Variants in ALDH18A1 observed in about 807,000 individuals in gnomAD.
The protein encoded by ALDH18A1 is delta-1-pyrroline-5-carboxylate synthase.
In ALDH18A1, 44 loss-of-function variants were observed where a neutral mutation model predicts 88.8. That is an observed-to-expected ratio of 0.50 (90% CI 0.39 to 0.64). The LOEUF (loss-of-function observed/expected upper bound fraction) is 0.64. ALDH18A1 is among the 30% of genes least tolerant of loss of function. ALDH18A1 has a pLI of 0.00. For synonymous variants in ALDH18A1, 331 were observed against 372.1 expected, an observed-to-expected ratio of 0.89 and a Z score of 1.27; for missense variants, 782 against 1,009.5, an observed-to-expected ratio of 0.77 and a Z score of 3.05.
Position 95,656,679 on chromosome 10 carries a change from T to A in ALDH18A1, c.-111A>T, listed in dbSNP as rs530549648. The A allele has an allele frequency of 6.5e-6, 1 of 152,698 alleles. No homozygotes were observed. Among genetic ancestry groups the A allele is most frequent in the Non-Finnish European group, 1.5e-5 (1 of 68,328 alleles). 9.5% of individuals were successfully genotyped at this position (152,698 alleles called of 1,614,324 possible). A position where few individuals can be genotyped will look rare whatever the true frequency, so the allele number is the denominator to read the frequency against. On this transcript the variant is annotated 5_prime_UTR_variant, in exon 1 of 18. Coordinates refer to ENST00000371224, the MANE Select transcript of ALDH18A1 (RefSeq NM_002860.4). ...CGGGCTGATTCCGGCGCTCGCTCAC[T>A]CTCTTTTTTCTTCCGTCCACGTCCC...
intron 5 of ALDH18A1, among the ~76,000 whole-genome samples, chr10:95,636,525 G>C (rs1019130077): frequency 6.6e-6 from 1 of 152,190 alleles, no homozygotes; most frequent in African/African-American, 2.4e-5. Flanking sequence ...ATGAGGACTG[G>C]AATCATGTCT....
chr10:95,637,176 G>T lies in ALDH18A1; in HGVS notation c.475C>A (p.Arg159=), dbSNP rs769656905. ...CTCTGTCCGGCAGCTGCACAGGCTC[G>T]TGCCTCTAAGACTGGAATTGCCTGT... The part of the protein sequence containing the change: ...KEMAIPVLEA[R]ACAAAGQSGL... Residue 159 remains arginine, a synonymous_variant, in exon 5 of 18, where the codon CGA becomes AGA. Transcript: ENST00000371224. 2 of 1,613,636 alleles carry T rather than the reference G, an allele frequency of 1.2e-6. No individual in the cohort carries two copies. Among genetic ancestry groups the T allele is most frequent in the Non-Finnish European group, 1.7e-6 (2 of 1,179,958 alleles).
chr10:95,621,518 G>T (rs2097852624), intron 11 of ALDH18A1, among the ~76,000 whole-genome samples: 1 of 151,952 alleles, frequency 6.6e-6, no homozygotes, highest in Non-Finnish European at 1.5e-5. Context: ...CACCAGGTTG[G>T]CCAGGTTGAT....
chr10:95,638,769 TAA>T (rs1720888209), intron 3 of ALDH18A1, among the ~76,000 whole-genome samples: 1 of 152,164 alleles, frequency 6.6e-6, no homozygotes. Flanking sequence ...CAAGATGTAA[TAA>T]AGTCAATATT....
chr10:95,653,616 G>A (rs954223476), intron 1 of ALDH18A1, among the ~76,000 whole-genome samples: 5 of 152,028 alleles, frequency 3.3e-5, no homozygotes, highest in African/African-American at 1.2e-4. Context: ...TAGTTTTTAT[G>A]TAAGCAAATA....
chr10:95,643,244 TACTC>T, intron 2 of ALDH18A1, 38 bp from the exon 3 acceptor site: 4 of 1,593,612 alleles, frequency 2.5e-6, no homozygotes, highest in East Asian at 2.2e-5. Context: ...AAAAAAGAAA[TACTC>T]AATATAGTTT....
intron 2 of ALDH18A1, among the ~76,000 whole-genome samples, chr10:95,645,560 T>C (rs1490599657): frequency 6.6e-6 from 1 of 152,244 alleles, no homozygotes; most frequent in African/African-American, 2.4e-5. Flanking sequence ...CCTCCCTTCC[T>C]GCCTCCTTCA....
intron 5 of ALDH18A1, 21 bp downstream of exon 5, chr10:95,637,072 T>C (rs2097882069): frequency 6.2e-7 from 1 of 1,612,122 alleles, no homozygotes; most frequent in Admixed American, 1.7e-5. Flanking sequence ...CCCACACCCA[T>C]TTCAAAGCCC....
chr10:95,626,682 A>G (rs1366213210), intron 10 of ALDH18A1, 21 bp downstream of exon 10: 1 of 1,612,436 alleles, frequency 6.2e-7, no homozygotes, highest in Non-Finnish European at 8.5e-7. Flanking sequence ...CTATAACAAT[A>G]TTATCACCTA....
At chr10:95,624,318 C>T (rs1005974968) in intron 11 of ALDH18A1, among the ~76,000 whole-genome samples, 1 of 152,138 alleles carries the variant, frequency 6.6e-6, no homozygotes, top group African/African-American at 2.4e-5. Context: ...GAACCTTGGG[C>T]AACAACAGGT....
At chr10:95,650,019 C>A (rs1378109364) in intron 2 of ALDH18A1, among the ~76,000 whole-genome samples, 2 of 151,962 alleles carry the variant, frequency 1.3e-5, no homozygotes, top group Non-Finnish European at 2.9e-5. Flanking sequence ...TTGATCGTGC[C>A]ACTATGCTCT....
chr10:95,641,017 G>A (rs1214174528), intron 3 of ALDH18A1, among the ~76,000 whole-genome samples: 1 of 152,080 alleles, frequency 6.6e-6, no homozygotes, highest in African/African-American at 2.4e-5. Context: ...CCCACAGCAT[G>A]CCATACTCAT....
rs2097840385 is a variant in ALDH18A1 at position 95,614,028 on chromosome 10, C to T, written c.1739G>A (p.Ser580Asn). ...CACATACATGTGACAGATCCCTTCGCTGTGCCCCATCACTGGAATCCCCTT... is the reference window on the plus strand; with the variant it reads ...CACATACATGTGACAGATCCCTTCGTTGTGCCCCATCACTGGAATCCCCTT... ...AAKGIPVMGH[S>N]EGICHMYVDS... The change falls in exon 14 of 18, where the codon AGC (serine) becomes AAC (asparagine). Residue 580 changes from serine to asparagine, a missense_variant. This residue lies in a region of ALDH18A1 where 556 missense variants were observed against 654.5 expected (regional missense o/e 0.85). Coordinates refer to ENST00000371224, the MANE Select transcript of ALDH18A1 (RefSeq NM_002860.4). 6.2e-7 allele frequency: 1 copy of T among 1,614,232 alleles called. No individual in the cohort carries two copies. Among genetic ancestry groups the T allele is most frequent in the East Asian group, 2.2e-5 (1 of 44,884 alleles).
At chr10:95,633,437 T>C (rs1311351085) in intron 6 of ALDH18A1, 54 bp downstream of exon 6, 8 of 1,603,750 alleles carry the variant, frequency 5.0e-6, no homozygotes, top group African/African-American at 2.7e-5. Context: ...GCATGCAGCA[T>C]AGCATGGTGT....
chr10:95,651,813 A>G (rs373442553), intron 2 of ALDH18A1, among the ~76,000 whole-genome samples: 42 of 152,220 alleles, frequency 2.8e-4, no homozygotes, highest in African/African-American at 9.9e-4. Flanking sequence ...AGGGACATAC[A>G]TTCAAACTAT....
chr10:95,621,225 G>A lies in ALDH18A1; in HGVS notation c.1273C>T (p.Arg425Cys), dbSNP rs762742204. The A allele has an allele frequency of 3.8e-5, 61 of 1,613,346 alleles. No homozygotes were observed. The highest frequency in any genetic ancestry group is 3.3e-4 in the South Asian group (30 of 91,046). ...AATTTGGATGTGGAGAGGCTTAAAC[G>A]TTTCAGCAGAGGAGCTGCAAGTCTC... ...EGRLAAPLLK[R>C]LSLSTSKLNS... Residue 425 changes from arginine (R) to cysteine (C), a missense_variant, in exon 12 of 18, where the codon CGT becomes TGT. Physicochemically the swap from Arg to Cys is radical, Grantham distance 180. This residue lies in a region of ALDH18A1 where 556 missense variants were observed against 654.5 expected (regional missense o/e 0.85). Coordinates refer to ENST00000371224, the MANE Select transcript of ALDH18A1 (RefSeq NM_002860.4).
At chr10:95,633,364 G>T in intron 6 of ALDH18A1, 127 bp downstream of exon 6, 1 of 1,228,244 alleles carries the variant, frequency 8.1e-7, no homozygotes, top group Non-Finnish European at 1.2e-6. Context: ...TGCAGTCACT[G>T]CTCCATGACA....
intron 9 of ALDH18A1, 39 bp downstream of exon 9, chr10:95,627,403 C>T (rs752943760): frequency 1.2e-6 from 2 of 1,612,928 alleles, no homozygotes; most frequent in African/African-American, 1.3e-5. Context: ...GTCACTAGTT[C>T]CCATCACAGG....
chr10:95,655,441 G>T (rs929153860), intron 1 of ALDH18A1, among the ~76,000 whole-genome samples: 5 of 152,114 alleles, frequency 3.3e-5, no homozygotes, highest in African/African-American at 1.2e-4. Flanking sequence ...CGGGAACAAA[G>T]AATTCAACGA....
Sources: gnomAD v4.1 joint callset for allele counts (sites outside exome capture counted in the v4.1 genomes callset) on GRCh38, gnomAD v4.1.1 for gene constraint, gnomAD v4.1.1 regional missense constraint, MANE v1.5 for transcripts, NCBI Gene and HGNC (gene_info 2026-07-23, HGNC 2026-07-21) for gene names.